Variants in KCNG2 observed in about 807,000 individuals in gnomAD.
The protein encoded by KCNG2 is potassium voltage-gated channel modifier subfamily G member 2.
KCNG2 carries 7 observed loss-of-function variants against 12.3 expected under a neutral mutation model. The observed-to-expected ratio is 0.57, with a 90% confidence interval of 0.32 to 1.07. KCNG2 has a LOEUF of 1.07. Among genes scored for constraint, KCNG2 ranks in the 50% least tolerant of loss-of-function variants. The pLI, the probability that KCNG2 is intolerant of heterozygous loss-of-function variation, is 0.04. For synonymous variants in KCNG2, 414 were observed against 351.4 expected (o/e 1.18, Z -1.99); for missense variants, 703 against 726.0 (o/e 0.97, Z 0.36).
chr18:79,887,295 G>A (rs975911173), intron 3 of KCNG2, among the ~76,000 whole-genome samples: 8 of 152,026 alleles, frequency 5.3e-5, no homozygotes, highest in Non-Finnish European at 1.2e-4. Context: ...CACAGGGACG[G>A]AAATGCTGAG....
In KCNG2 at chr18:79,899,848, C is replaced by T. The variant is rs187309710; in HGVS notation, c.*32C>T. ...CGCCGCCCACACGGAGACCCCCTGC[C>T]CCCTCCAGCTGCAGCGTCGGGACCC... On this transcript the variant is annotated 3_prime_UTR_variant, in exon 4 of 4. Coordinates refer to ENST00000316249, the MANE Select transcript of KCNG2 (RefSeq NM_012283.2). The T allele has an allele frequency of 7.3e-5, 96 of 1,314,230 alleles. 1 individual carries two copies. In the Middle Eastern group the frequency reaches 1.7e-3, roughly 23 times the overall value. 81.4% of individuals were successfully genotyped at this position (1,314,230 alleles called of 1,614,324 possible).
At chr18:79,841,853 A>C (rs1978469217) in intron 1 of KCNG2, among the ~76,000 whole-genome samples, 1 of 152,134 alleles carries the variant, frequency 6.6e-6, no homozygotes, top group Non-Finnish European at 1.5e-5. Context: ...ATAAGGAAAG[A>C]CTCATTGAAA....
At chr18:79,806,279 G>A (rs2087448903) in intron 1 of KCNG2, among the ~76,000 whole-genome samples, 1 of 152,230 alleles carries the variant, frequency 6.6e-6, no homozygotes, top group African/African-American at 2.4e-5. Flanking sequence ...AGCGTTTGTG[G>A]TCTCAGGCAA....
chr18:79,823,019 G>A (rs1302621701), intron 1 of KCNG2, among the ~76,000 whole-genome samples: 1 of 152,152 alleles, frequency 6.6e-6, no homozygotes, highest in Non-Finnish European at 1.5e-5. Flanking sequence ...TCCCTCCATG[G>A]GGAGACAGCC....
chr18:79,802,850 G>C (rs1232063152), intron 1 of KCNG2, among the ~76,000 whole-genome samples: 1 of 152,180 alleles, frequency 6.6e-6, no homozygotes, highest in Non-Finnish European at 1.5e-5. Flanking sequence ...TGATGCAATG[G>C]AGTGAAAATG....
rs1362640813 is a variant in KCNG2, at chr18:79,822,221, C to T, written c.-115+24207C>T. Among the ~76,000 whole-genome samples the T allele has an allele frequency of 6.6e-6, 1 of 152,094 alleles. No homozygotes were observed. Among genetic ancestry groups the T allele is most frequent in the Non-Finnish European group, 1.5e-5 (1 of 68,010 alleles). ...CAGATTCATAGAGGTTCCCATGTCT[C>T]CCACCCAGCTTCCTCCAGTGTTGGC... On this transcript the variant is annotated intron_variant, in intron 1 of 3. Transcript: ENST00000316249. The surrounding 1 kb of genome is among the most constrained non-coding windows in gnomAD (Gnocchi z 4.4).
intron 2 of KCNG2, among the ~76,000 whole-genome samples, chr18:79,856,704 G>A (rs543897969): frequency 5.7e-4 from 86 of 152,202 alleles, no homozygotes; most frequent in African/African-American, 1.9e-3. Flanking sequence ...CGTCTGCCAC[G>A]CCACAAAGGG....
chr18:79,875,352 G>A lies in KCNG2; in HGVS notation c.624+11061G>A, dbSNP rs548066724. The stretch of plus-strand genomic sequence containing the variant: ...CCACGGAGCACAGGCGGCCCTGGGC[G>A]CTCCCCTTGGTCTAGCACCACCGAG... On this transcript the variant is annotated intron_variant, in intron 3 of 3. Coordinates refer to ENST00000316249, the MANE Select transcript of KCNG2 (RefSeq NM_012283.2). Among the ~76,000 whole-genome samples the A allele has an allele frequency of 4.6e-5, 7 of 151,808 alleles. No homozygotes were observed. The South Asian group carries it at 1.0e-3, about 23-fold the overall frequency.
At chr18:79,823,222 C>T (rs1051331243) in intron 1 of KCNG2, among the ~76,000 whole-genome samples, 1 of 152,184 alleles carries the variant, frequency 6.6e-6, no homozygotes. Context: ...CGTGCCCCAC[C>T]GTGTAGACAC....
intron 1 of KCNG2, among the ~76,000 whole-genome samples, chr18:79,812,650 C>T (rs1024215279): frequency 3.3e-5 from 5 of 152,054 alleles, no homozygotes; most frequent in African/African-American, 1.2e-4. Flanking sequence ...CACTTGAGGC[C>T]CAGAGTTCAA....
In KCNG2 at chr18:79,829,767, C is replaced by T. The variant is rs551932271; in HGVS notation, c.-114-26612C>T. 7.2e-5 allele frequency among the ~76,000 whole-genome samples: 11 copies of T among 152,356 alleles called. No individual in the cohort carries two copies. In the South Asian group the frequency reaches 2.3e-3, roughly 32 times the overall value. ...GTGTGGAAAGCTGGTGCCGGGGCAG[C>T]TCACACCCAGGGCAGCCTGGTTGGC... On this transcript the variant is annotated intron_variant, in intron 1 of 3. Transcript: ENST00000316249.
chr18:79,863,690 C>A lies in KCNG2; in HGVS notation c.23C>A (p.Pro8Gln). 1.7e-6 allele frequency: 2 copies of A among 1,181,850 alleles called. No individual in the cohort carries two copies. The highest frequency in any genetic ancestry group is 3.6e-5 in the East Asian group (1 of 27,980). 73.2% of individuals were successfully genotyped at this position (1,181,850 alleles called of 1,614,324 possible). A position where few individuals can be genotyped will look rare whatever the true frequency, so the allele number is the denominator to read the frequency against. The change falls in exon 3 of 4, where the codon CCG (proline) becomes CAG (glutamine). Residue 8 changes from proline to glutamine, a missense_variant. Pro to Gln is a moderately conservative substitution (Grantham distance 76). Transcript: ENST00000316249. MEPWPCS[P>Q]GGGGGTRARH... is the part of the protein sequence containing the mutation. Reference sequence around the variant, plus strand: ...CGCATGGAGCCATGGCCCTGCTCCCCGGGCGGCGGCGGCGGGACCCGCGCC... The same window carrying A: ...CGCATGGAGCCATGGCCCTGCTCCCAGGGCGGCGGCGGCGGGACCCGCGCC...
intron 3 of KCNG2, among the ~76,000 whole-genome samples, chr18:79,870,170 G>T (rs72980082): frequency 0.33 from 50,497 of 152,234 alleles, 8,951 homozygotes; most frequent in South Asian, 0.53. Context: ...TCTCCCCACC[G>T]TCTGCTCCCA....
At chr18:79,807,821 G>T (rs1311223817) in intron 1 of KCNG2, among the ~76,000 whole-genome samples, 473 of 116,032 alleles carry the variant, frequency 4.1e-3, no homozygotes, top group African/African-American at 5.8e-3. Context: ...CCCAGAGTCC[G>T]CGCTCTGAGG....
At chr18:79,837,598 C>T (rs552125690) in intron 1 of KCNG2, among the ~76,000 whole-genome samples, 1 of 152,226 alleles carries the variant, frequency 6.6e-6, no homozygotes, top group African/African-American at 2.4e-5. Context: ...CCACTAGTCT[C>T]TTTGTGAAAG....
intron 1 of KCNG2, among the ~76,000 whole-genome samples, chr18:79,850,767 G>C (rs1254313456): frequency 6.6e-6 from 1 of 152,182 alleles, no homozygotes; most frequent in Admixed American, 6.5e-5. Flanking sequence ...AAGCGTACAG[G>C]CTTCATAGTG....
chr18:79,842,779 C>T (rs1978501715), intron 1 of KCNG2, among the ~76,000 whole-genome samples: 1 of 152,084 alleles, frequency 6.6e-6, no homozygotes, highest in Non-Finnish European at 1.5e-5. Context: ...AAAGAATCAG[C>T]AATCTCAAAG....
At position 79,822,171 on chromosome 18, in the gene KCNG2, G is replaced by A. The variant is rs1237269408; in HGVS notation, c.-115+24157G>A. 2.0e-5 allele frequency among the ~76,000 whole-genome samples: 3 copies of A among 152,092 alleles called. No individual in the cohort carries two copies. Among genetic ancestry groups the A allele is most frequent in the South Asian group, 2.1e-4 (1 of 4,818 alleles). ...ATTTTTAAAAGCTTTTTATTTGAAC[G>A]ATTTTTAGACTTATAGGAAAGTTGC... On this transcript the variant is annotated intron_variant, in intron 1 of 3. Coordinates refer to ENST00000316249, the MANE Select transcript of KCNG2 (RefSeq NM_012283.2). The surrounding 1 kb of genome is among the most constrained non-coding windows in gnomAD (Gnocchi z 4.4).
At chr18:79,897,290 T>C (rs143519450) in intron 3 of KCNG2, among the ~76,000 whole-genome samples, 257 of 152,334 alleles carry the variant, frequency 1.7e-3, no homozygotes, top group African/African-American at 6.0e-3. Context: ...TCAGCATAAT[T>C]CCTGTCAAAC....
Sources: gnomAD v4.1 joint callset for allele counts (sites outside exome capture counted in the v4.1 genomes callset) on GRCh38, gnomAD v4.1.1 for gene constraint, Gnocchi (gnomAD v3.1) non-coding constraint, MANE v1.5 for transcripts, NCBI Gene and HGNC (gene_info 2026-07-23, HGNC 2026-07-21) for gene names.